LNP1: variants seen among roughly 807,000 people sequenced by gnomAD.
The protein encoded by LNP1 is leukemia NUP98 fusion partner 1.
In LNP1, 12 loss-of-function variants were observed where a neutral mutation model predicts 14.5. That is an observed-to-expected ratio of 0.83 (90% CI 0.53 to 1.34). The LOEUF is 1.34. Ranked by LOEUF, LNP1 falls within the 40% of genes most tolerant of loss-of-function variation. LNP1 has a pLI of 0.00. For synonymous variants in LNP1, 75 were observed against 71.4 expected (o/e 1.05, Z -0.26); for missense variants, 198 against 210.9 (o/e 0.94, Z 0.38).
Position 100,455,842 on chromosome 3 carries a change from G to A in LNP1, c.453G>A (p.Lys151=). 1.9e-6 allele frequency: 3 copies of A among 1,614,118 alleles called. No homozygotes were observed. The highest frequency in any genetic ancestry group is 2.5e-6 in the Non-Finnish European group (3 of 1,179,948). Residue 151 remains lysine, a synonymous_variant, in exon 4 of 4, where the codon AAG becomes AAA. Coordinates refer to ENST00000383693, the MANE Select transcript of LNP1 (RefSeq NM_001085451.2). ...ECLRMEIKSR[K]KVEEERSSRK... Reference sequence around the variant, plus strand: ...TGAGGATGGAGATAAAATCCCGAAAGAAAGTAGAGGAAGAAAGGAGCTCTA... The same window carrying A: ...TGAGGATGGAGATAAAATCCCGAAAAAAAGTAGAGGAAGAAAGGAGCTCTA...
intron 2 of LNP1, among the ~76,000 whole-genome samples, chr3:100,445,268 C>G (rs1707377240): frequency 6.6e-6 from 1 of 152,106 alleles, no homozygotes; most frequent in Non-Finnish European, 1.5e-5. Context: ...GAGACTCTCT[C>G]TCAAAAAAAG....
At chr3:100,416,599 TTGTGTGTGTGTGTGTGTG>T (rs769199967) in intron 1 of LNP1, among the ~76,000 whole-genome samples, 2 of 94,662 alleles carry the variant, frequency 2.1e-5, no homozygotes, top group African/African-American at 5.3e-5. Flanking sequence ...TATATCTTTT[TTGTGTGTGTGTGTGTGTG>T]TGTGTGTGTG....
intron 1 of LNP1, among the ~76,000 whole-genome samples, chr3:100,418,554 C>T (rs543794049): frequency 7.9e-5 from 12 of 152,154 alleles, no homozygotes; most frequent in Admixed American, 5.9e-4. Flanking sequence ...AATTCTTGAA[C>T]TCTTAGAATG....
intron 1 of LNP1, among the ~76,000 whole-genome samples, chr3:100,407,945 A>G (rs2148898380): frequency 6.6e-6 from 1 of 152,036 alleles, no homozygotes; most frequent in African/African-American, 2.4e-5. Context: ...TTATTATTTC[A>G]ATTTATCTGG....
At chr3:100,428,735 C>G (rs1294738875) in intron 1 of LNP1, among the ~76,000 whole-genome samples, 1 of 152,104 alleles carries the variant, frequency 6.6e-6, no homozygotes, top group Non-Finnish European at 1.5e-5. Flanking sequence ...ATGACCATCA[C>G]TAGTAGACTG....
At chr3:100,426,219 CAG>C (rs1707191773) in intron 1 of LNP1, among the ~76,000 whole-genome samples, 1 of 152,176 alleles carries the variant, frequency 6.6e-6, no homozygotes, top group South Asian at 2.1e-4. Context: ...ATTCGGATAG[CAG>C]AGTTTATGGC....
At chr3:100,443,986 G>T (rs777455180) in intron 2 of LNP1, among the ~76,000 whole-genome samples, 1 of 152,086 alleles carries the variant, frequency 6.6e-6, no homozygotes, top group South Asian at 2.1e-4. Context: ...CAAAACAAAG[G>T]CTCAGCAGTG....
rs559206372 is a variant in LNP1 at position 100,406,650 on chromosome 3, T to C, written c.-34+4211T>C. ...CCCGGGTTCAAGCGATTCTCCTGCCTCAGCCTCCCAAGTAGCTGGAATTAC... is the reference window on the plus strand; with the variant it reads ...CCCGGGTTCAAGCGATTCTCCTGCCCCAGCCTCCCAAGTAGCTGGAATTAC... On this transcript the variant is annotated intron_variant, in intron 1 of 3. Coordinates refer to ENST00000383693, the MANE Select transcript of LNP1 (RefSeq NM_001085451.2). Among the ~76,000 whole-genome samples the C allele has an allele frequency of 4.4e-3, 670 of 152,288 alleles. 4 individuals carry two copies. The highest frequency in any genetic ancestry group is 0.015 in the African/African-American group (613 of 41,570).
chr3:100,421,018 T>G (rs540942295), intron 1 of LNP1, among the ~76,000 whole-genome samples: 59 of 152,150 alleles, frequency 3.9e-4, no homozygotes, highest in African/African-American at 1.3e-3. Flanking sequence ...TTGCTCTGTT[T>G]CCCAGGCTGG....
chr3:100,444,834 T>G (rs766483495), intron 2 of LNP1, among the ~76,000 whole-genome samples: 1 of 152,254 alleles, frequency 6.6e-6, no homozygotes, highest in Non-Finnish European at 1.5e-5. Context: ...ATCTTGTCTG[T>G]AAGATATACC....
intron 2 of LNP1, among the ~76,000 whole-genome samples, chr3:100,443,216 A>T (rs1007556660): frequency 6.6e-6 from 1 of 152,212 alleles, no homozygotes; most frequent in South Asian, 2.1e-4. Flanking sequence ...TGCTTTGAAG[A>T]CTTGGAGCCA....
intron 2 of LNP1, among the ~76,000 whole-genome samples, chr3:100,441,468 T>G (rs972912118): frequency 6.6e-6 from 1 of 152,206 alleles, no homozygotes; most frequent in African/African-American, 2.4e-5. Flanking sequence ...TGTTAATGAT[T>G]GATGTCATTA....
intron 2 of LNP1, among the ~76,000 whole-genome samples, chr3:100,433,596 G>A (rs1054899248): frequency 5.3e-5 from 8 of 152,256 alleles, no homozygotes; most frequent in African/African-American, 1.9e-4. Context: ...TGGGATTGCT[G>A]GGTCAAATGG....
intron 2 of LNP1, among the ~76,000 whole-genome samples, chr3:100,446,697 C>T (rs1472966680): frequency 4.6e-5 from 7 of 151,614 alleles, no homozygotes; most frequent in South Asian, 4.1e-4. Flanking sequence ...TTGTAATCTA[C>T]CCATCTGACA....
At chr3:100,427,394 A>G (rs1309545826) in intron 1 of LNP1, among the ~76,000 whole-genome samples, 1 of 152,006 alleles carries the variant, frequency 6.6e-6, no homozygotes, top group Non-Finnish European at 1.5e-5. Flanking sequence ...AATCTAATGA[A>G]CCAATTGTCC....
At chr3:100,455,119 T>A (rs971571784) in intron 3 of LNP1, among the ~76,000 whole-genome samples, 2 of 152,220 alleles carry the variant, frequency 1.3e-5, no homozygotes, top group African/African-American at 4.8e-5. Context: ...ATTGCACTTA[T>A]CACTATTGAT....
intron 3 of LNP1, among the ~76,000 whole-genome samples, 170 bp downstream of exon 3, chr3:100,452,119 G>A (rs956278065): frequency 1.1e-4 from 17 of 151,298 alleles, no homozygotes; most frequent in Non-Finnish European, 1.8e-4. Flanking sequence ...AATTTTTAAA[G>A]AATATTATTT....
intron 2 of LNP1, among the ~76,000 whole-genome samples, chr3:100,432,959 C>T (rs2148904224): frequency 6.6e-6 from 1 of 152,290 alleles, no homozygotes; most frequent in East Asian, 1.9e-4. Flanking sequence ...AGTGCTTCTT[C>T]TATGCTCCAC....
chr3:100,403,586 TC>T (rs1706933950), intron 1 of LNP1, among the ~76,000 whole-genome samples: 2 of 152,080 alleles, frequency 1.3e-5, no homozygotes, highest in Non-Finnish European at 2.9e-5. Flanking sequence ...TCCCTCAGCG[TC>T]CCAGTAGCTG....
Sources: allele counts gnomAD v4.1 joint callset (sites outside exome capture counted in the v4.1 genomes callset), GRCh38; gene constraint gnomAD v4.1.1; transcripts MANE v1.5; gene names NCBI Gene and HGNC (gene_info 2026-07-23, HGNC 2026-07-21).